Variants in LZTFL1 observed in about 807,000 individuals in gnomAD.
The protein encoded by LZTFL1 is leucine zipper transcription factor-like protein 1.
In LZTFL1, 25 loss-of-function variants were observed where a neutral mutation model predicts 45.9. The ratio of observed to expected loss-of-function variants is 0.54; its 90% CI spans 0.40 to 0.76. The LOEUF (loss-of-function observed/expected upper bound fraction) is 0.76, where lower values mean the gene tolerates loss of function less well. LZTFL1 is among the 30% of genes least tolerant of loss of function. The pLI is 0.00. For synonymous variants in LZTFL1, 93 were observed against 117.4 expected (o/e 0.79, Z 1.35); for missense variants, 277 against 331.1 (o/e 0.84, Z 1.27).
intron 1 of LZTFL1, 48 bp from the exon 2 acceptor site, chr3:45,838,099 A>G (rs1433069587): frequency 1.9e-6 from 3 of 1,545,644 alleles, no homozygotes; most frequent in Non-Finnish European, 1.7e-6. Context: ...AGATCTGATC[A>G]AAGAGCCAAC....
chr3:45,891,338 G>A (rs1702173204), intron 2 of LZTFL1, among the ~76,000 whole-genome samples: 1 of 152,114 alleles, frequency 6.6e-6, no homozygotes, highest in Non-Finnish European at 1.5e-5. Flanking sequence ...CTAATTTCAA[G>A]CTCACTGAAA....
At chr3:45,850,796 A>G (rs543850763) in intron 4 of LZTFL1, among the ~76,000 whole-genome samples, 1 of 152,148 alleles carries the variant, frequency 6.6e-6, no homozygotes, top group East Asian at 1.9e-4. Flanking sequence ...CTGACCCTTG[A>G]GTGAAGCCAG....
intron 2 of LZTFL1, among the ~76,000 whole-genome samples, chr3:45,885,083 T>A (rs1701945173): frequency 1.3e-5 from 2 of 152,236 alleles, no homozygotes; most frequent in South Asian, 4.1e-4. Context: ...GTTGGCCTTT[T>A]TCCATTTAGA....
At chr3:45,880,510 A>AT (rs1404338916) in intron 2 of LZTFL1, among the ~76,000 whole-genome samples, 4 of 152,126 alleles carry the variant, frequency 2.6e-5, no homozygotes, top group Non-Finnish European at 1.5e-5. Flanking sequence ...TCAAAAAAAA[A>AT]GGAAATCGGA....
At chr3:45,906,292 T>C (rs1178118073) in intron 2 of LZTFL1, among the ~76,000 whole-genome samples, 1 of 152,148 alleles carries the variant, frequency 6.6e-6, no homozygotes, top group African/African-American at 2.4e-5. Flanking sequence ...AGGGGCCCCA[T>C]GGTGTATAAG....
At chr3:45,880,289 G>A (rs1701830974) in intron 2 of LZTFL1, among the ~76,000 whole-genome samples, 1 of 152,166 alleles carries the variant, frequency 6.6e-6, no homozygotes, top group Non-Finnish European at 1.5e-5. Context: ...GGATCACGAG[G>A]TCAGGAGTTT....
In LZTFL1 at chr3:45,897,775, C is replaced by G; in HGVS notation, c.-215+15345G>C. 5.1e-6 allele frequency: 3 copies of G among 589,270 alleles called. No homozygotes were observed. In the South Asian group the frequency reaches 6.3e-5, roughly 12 times the overall value. The allele number at this position is 589,270 out of a possible 1,614,324, so 36.5% of individuals were successfully genotyped here. On this transcript the variant is annotated intron_variant, in intron 2 of 4. Transcript: ENST00000472635. The stretch of plus-strand genomic sequence containing the variant: ...CCTTGCCTTCTTCTTTCTTCCTTGT[C>G]TGTCTTCCTCTTAACATGTCTTTAA...
chr3:45,879,452 G>A (rs377286205), intron 2 of LZTFL1, among the ~76,000 whole-genome samples: 3 of 152,230 alleles, frequency 2.0e-5, no homozygotes, highest in African/African-American at 7.2e-5. Flanking sequence ...ACGGCATTCC[G>A]GAAAAGAAAA....
At chr3:45,837,456 T>C (rs1049172080) in intron 2 of LZTFL1, among the ~76,000 whole-genome samples, 8 of 152,240 alleles carry the variant, frequency 5.3e-5, no homozygotes. Flanking sequence ...CATTATCATC[T>C]CATGCTAGAA....
chr3:45,855,716 CA>C, intron 3 of LZTFL1, among the ~76,000 whole-genome samples: 1 of 152,258 alleles, frequency 6.6e-6, no homozygotes, highest in South Asian at 2.1e-4. Context: ...TCTCAGGATA[CA>C]AAATCAATGT....
At chr3:45,902,014 A>T in intron 2 of LZTFL1, 1 of 857,718 alleles carries the variant, frequency 1.2e-6, no homozygotes, top group Admixed American at 2.9e-5. Context: ...AAAGGGATGA[A>T]TCTGAACTAT....
intron 3 of LZTFL1, among the ~76,000 whole-genome samples, chr3:45,855,534 T>C (rs533693961): frequency 1.2e-4 from 18 of 152,024 alleles, no homozygotes; most frequent in Non-Finnish European, 2.5e-4. Flanking sequence ...ACCACCCTTA[T>C]TCAACATAGT....
At chr3:45,871,438 G>T (rs1019678274) in intron 2 of LZTFL1, among the ~76,000 whole-genome samples, 2 of 152,170 alleles carry the variant, frequency 1.3e-5, no homozygotes, top group African/African-American at 4.8e-5. Flanking sequence ...CCTACTACTA[G>T]CTAGATAGAG....
chr3:45,885,510 C>A (rs755813612), intron 2 of LZTFL1, among the ~76,000 whole-genome samples: 5 of 151,896 alleles, frequency 3.3e-5, no homozygotes, highest in Non-Finnish European at 5.9e-5. Context: ...TAGATTTGCC[C>A]CAATTTGAAG....
At chr3:45,829,655 A>G (rs917208816) in intron 7 of LZTFL1, among the ~76,000 whole-genome samples, 3 of 151,998 alleles carry the variant, frequency 2.0e-5, no homozygotes, top group Non-Finnish European at 2.9e-5. Context: ...AAGAAAAAAA[A>G]AATCTTTCCT....
chr3:45,837,730 C>T (rs1701001700), intron 2 of LZTFL1, among the ~76,000 whole-genome samples, 197 bp downstream of exon 2: 1 of 152,216 alleles, frequency 6.6e-6, no homozygotes, highest in African/African-American at 2.4e-5. Context: ...GCATTTCTGA[C>T]AATAGATTCA....
At chr3:45,835,307 A>C (rs1700937137) in intron 3 of LZTFL1, 1 of 353,542 alleles carries the variant, frequency 2.8e-6, no homozygotes, top group East Asian at 5.9e-5. Context: ...ATACTGACCA[A>C]GCTAACAAAA....
At chr3:45,873,729 C>T (rs1219131118) in intron 2 of LZTFL1, among the ~76,000 whole-genome samples, 1 of 152,156 alleles carries the variant, frequency 6.6e-6, no homozygotes, top group East Asian at 1.9e-4. Flanking sequence ...CAAATTCAAA[C>T]CAAACTAAAC....
At chr3:45,907,979 G>C (rs527371929) in intron 2 of LZTFL1, among the ~76,000 whole-genome samples, 23 of 152,320 alleles carry the variant, frequency 1.5e-4, no homozygotes, top group African/African-American at 5.1e-4. Flanking sequence ...AGTTAGGCAA[G>C]AAAGACAGGG....
Sources: gnomAD v4.1 joint callset for allele counts (sites outside exome capture counted in the v4.1 genomes callset) on GRCh38, gnomAD v4.1.1 for gene constraint, MANE v1.5 for transcripts, NCBI Gene and HGNC (gene_info 2026-07-23, HGNC 2026-07-21) for gene names.